Variants in MYO1D observed in about 807,000 individuals in gnomAD.
MYO1D encodes the protein unconventional myosin-Id.
MYO1D carries 83 observed loss-of-function variants against 122.0 expected under a neutral mutation model. The ratio of observed to expected loss-of-function variants is 0.68; its 90% CI spans 0.57 to 0.82. The LOEUF is 0.82. MYO1D is among the 40% of genes least tolerant of loss of function. The pLI is 0.00. For synonymous variants in MYO1D, 464 were observed against 446.9 expected (o/e 1.04, Z -0.48); for missense variants, 1,157 against 1,269.5 (o/e 0.91, Z 1.35).
At chr17:32,529,598 CA>C (rs1010417619) in intron 21 of MYO1D, 1 of 152,766 alleles carries the variant, frequency 6.5e-6, no homozygotes, top group Non-Finnish European at 1.5e-5. Context: ...AGGATGGGCT[CA>C]GGGGGTGCTG....
At chr17:32,594,709 C>G in intron 21 of MYO1D, 1 of 404,032 alleles carries the variant, frequency 2.5e-6, no homozygotes, top group South Asian at 9.8e-5. Flanking sequence ...TTCTGATGTT[C>G]TTACATAAAG....
intron 21 of MYO1D, among the ~76,000 whole-genome samples, chr17:32,558,935 T>G (rs956723548): frequency 1.3e-5 from 2 of 152,208 alleles, no homozygotes; most frequent in Non-Finnish European, 2.9e-5. Context: ...GCAGTAATAA[T>G]AGGGCCCACC....
At position 32,638,731 on chromosome 17, in the gene MYO1D, A is replaced by AGG; in HGVS notation, c.2698_2699dup (p.Asn903ThrfsTer3). The stretch of plus-strand genomic sequence containing the variant: ...AGCACAGAGGACTTACATTGTATAG[A>AGG]GGGATAGTCTTCATCACCTTGTACT... On this transcript the variant is annotated frameshift_variant, in exon 20 of 22. Transcript: ENST00000318217. LOFTEE classifies it high-confidence loss of function. 6.2e-7 allele frequency: 1 copy of AGG among 1,610,162 alleles called. No individual in the cohort carries two copies. Among genetic ancestry groups the AGG allele is most frequent in the Non-Finnish European group, 8.5e-7 (1 of 1,176,536 alleles).
At chr17:32,742,527 G>A (rs1359658618) in intron 13 of MYO1D, among the ~76,000 whole-genome samples, 1 of 152,202 alleles carries the variant, frequency 6.6e-6, no homozygotes, top group East Asian at 1.9e-4. Context: ...TTGGTACAGA[G>A]ACTGGCAACA....
At chr17:32,840,340 G>C (rs2090868497) in intron 1 of MYO1D, among the ~76,000 whole-genome samples, 1 of 152,156 alleles carries the variant, frequency 6.6e-6, no homozygotes, top group East Asian at 1.9e-4. Context: ...TTCTGGAACA[G>C]AGCTTTTCTC....
At chr17:32,725,412 TC>T (rs1272360965) in intron 14 of MYO1D, among the ~76,000 whole-genome samples, 30 of 152,114 alleles carry the variant, frequency 2.0e-4, no homozygotes, top group Middle Eastern at 3.4e-3. Context: ...CCCAGTTTAC[TC>T]AGGAGGCTGA....
intron 19 of MYO1D, among the ~76,000 whole-genome samples, chr17:32,639,363 TTGTGTGTGTGTGTGTGTGTGTG>T (rs10674390): frequency 3.9e-5 from 5 of 128,222 alleles, no homozygotes; most frequent in Non-Finnish European, 8.0e-5. Context: ...GGGAGAAATT[TTGTGTGTGTGTGTGTGTGTGTG>T]TGTGTGTGTG....
chr17:32,627,512 T>C (rs1410590592), intron 20 of MYO1D, among the ~76,000 whole-genome samples: 17 of 152,132 alleles, frequency 1.1e-4, no homozygotes, highest in Admixed American at 1.0e-3. Context: ...TCACGTCAAA[T>C]AGAGCAATAA....
At chr17:32,688,925 G>A (rs1187380737) in intron 16 of MYO1D, among the ~76,000 whole-genome samples, 1 of 135,392 alleles carries the variant, frequency 7.4e-6, no homozygotes, top group Non-Finnish European at 1.5e-5. Flanking sequence ...TTTGAAGTGT[G>A]TGTGTGTGTG....
At chr17:32,661,217 G>A (rs1218814460) in intron 16 of MYO1D, among the ~76,000 whole-genome samples, 2 of 152,004 alleles carry the variant, frequency 1.3e-5, no homozygotes. Flanking sequence ...GTTTTTAATA[G>A]TTGAAAAAAT....
chr17:32,702,038 A>G (rs1256026225), intron 16 of MYO1D, among the ~76,000 whole-genome samples: 1 of 152,258 alleles, frequency 6.6e-6, no homozygotes, highest in Non-Finnish European at 1.5e-5. Flanking sequence ...AGGAAAGCTC[A>G]CAAGCAGGCT....
At position 32,656,217 on chromosome 17, in the gene MYO1D, T is replaced by C. The variant is rs184362221; in HGVS notation, c.2346-1596A>G. 5.8e-4 allele frequency among the ~76,000 whole-genome samples: 89 copies of C among 152,324 alleles called. 2 individuals carry two copies. In the East Asian group the frequency reaches 7.1e-3, roughly 12 times the overall value. On this transcript the variant is annotated intron_variant, in intron 17 of 21. Transcript: ENST00000318217. ...TAATCAAGGCCGGCTGTTCTCAAAC[T>C]TGTTTCCATAGAATGAGATTTAACT...
At chr17:32,639,363 T>TGTGTGTGTGTG (rs1567923149) in intron 19 of MYO1D, among the ~76,000 whole-genome samples, 25 of 128,220 alleles carry the variant, frequency 1.9e-4, no homozygotes, top group African/African-American at 8.0e-4. Context: ...GGGAGAAATT[T>TGTGTGTGTGTG]TGTGTGTGTG....
In MYO1D at chr17:32,801,998, A is replaced by G. The variant is rs903163646; in HGVS notation, c.96-21214T>C. On this transcript the variant is annotated intron_variant, in intron 1 of 21. Coordinates refer to ENST00000318217, the MANE Select transcript of MYO1D (RefSeq NM_015194.3). ...TAGTTTATTGTGGAAAATAAGGAGA[A>G]TCAATTCAGTTGTTGACTATCTGTT... Among the ~76,000 whole-genome samples, 6 of 152,246 alleles carry G rather than the reference A, an allele frequency of 3.9e-5. 1 individual carries two copies. The highest frequency in any genetic ancestry group is 1.4e-4 in the African/African-American group (6 of 41,472).
At chr17:32,592,154 A>G (rs1316067602) in intron 21 of MYO1D, among the ~76,000 whole-genome samples, 1 of 152,230 alleles carries the variant, frequency 6.6e-6, no homozygotes, top group African/African-American at 2.4e-5. Flanking sequence ...TCTGCTATGT[A>G]CAAAACCCTG....
chr17:32,502,692 C>G (rs1163577233), intron 21 of MYO1D, among the ~76,000 whole-genome samples: 1 of 152,202 alleles, frequency 6.6e-6, no homozygotes, highest in African/African-American at 2.4e-5. Flanking sequence ...TGTGCTGATC[C>G]TGGAGACAGA....
chr17:32,766,168 T>C (rs1021908839), intron 7 of MYO1D, among the ~76,000 whole-genome samples: 1 of 152,142 alleles, frequency 6.6e-6, no homozygotes, highest in East Asian at 1.9e-4. Flanking sequence ...ATTACAGGTG[T>C]GAGCAACCCC....
At position 32,728,186 on chromosome 17, in the gene MYO1D, G is replaced by T. The variant is rs940815349; in HGVS notation, c.1747-6997C>A. ...TATTATTAGCAAACTTGACCTAATG[G>T]ACTTGTATAGAATATTGAATGCAAT... On this transcript the variant is annotated intron_variant, in intron 14 of 21. Transcript: ENST00000318217. Among the ~76,000 whole-genome samples, 6 of 151,826 alleles carry T rather than the reference G, an allele frequency of 4.0e-5. No individual in the cohort carries two copies. In the East Asian group the frequency reaches 1.2e-3, roughly 29 times the overall value.
intron 21 of MYO1D, among the ~76,000 whole-genome samples, chr17:32,545,495 G>A (rs1418036727): frequency 6.6e-6 from 1 of 152,166 alleles, no homozygotes; most frequent in African/African-American, 2.4e-5. Flanking sequence ...AGGAACGTGA[G>A]AGGAGTGGAA....
Sources: gnomAD v4.1 joint callset for allele counts (sites outside exome capture counted in the v4.1 genomes callset) on GRCh38, gnomAD v4.1.1 for gene constraint, MANE v1.5 for transcripts, NCBI Gene and HGNC (gene_info 2026-07-23, HGNC 2026-07-21) for gene names.